The following KCNMA1 variants were observed in gnomAD, a reference collection of about 807,000 sequenced individuals.
The protein encoded by KCNMA1 is Calcium-activated potassium channel subunit alpha-1.
KCNMA1 carries 29 observed loss-of-function variants against 140.0 expected under a neutral mutation model. The observed-to-expected ratio is 0.21, with a 90% CI of 0.15 to 0.28. KCNMA1 has a LOEUF of 0.28. KCNMA1 is among the 10% of genes least tolerant of loss of function. The pLI is 1.00. For synonymous variants in KCNMA1, 612 were observed against 611.9 expected (o/e 1.00, Z 0.00); for missense variants, 880 against 1,602.2 (o/e 0.55, Z 7.70).
intron 2 of KCNMA1, among the ~76,000 whole-genome samples, chr10:77,394,346 A>C (rs1244641781): frequency 6.6e-6 from 1 of 152,184 alleles, no homozygotes; most frequent in East Asian, 1.9e-4. Context: ...TGCTCTTTAC[A>C]GGGCGTGCCG....
chr10:77,302,841 A>G (rs772603039), intron 2 of KCNMA1, among the ~76,000 whole-genome samples: 15 of 152,272 alleles, frequency 9.9e-5, no homozygotes, highest in Middle Eastern at 3.4e-3. Context: ...ATCAGAGGAA[A>G]GCATGCCAAA....
At chr10:77,413,162 T>C (rs1309436662) in intron 1 of KCNMA1, among the ~76,000 whole-genome samples, 1 of 152,172 alleles carries the variant, frequency 6.6e-6, no homozygotes, top group East Asian at 1.9e-4. Context: ...CCCGGCCCCA[T>C]GTTAGCTTTT....
chr10:77,068,712 G>GTGTGTT, intron 14 of KCNMA1, among the ~76,000 whole-genome samples: 1 of 150,772 alleles, frequency 6.6e-6, no homozygotes, highest in Non-Finnish European at 1.5e-5. Flanking sequence ...GTGTGTGTGT[G>GTGTGTT]TGTGTGTGTG....
chr10:77,358,186 G>A (rs2093659764), intron 2 of KCNMA1, among the ~76,000 whole-genome samples: 1 of 152,108 alleles, frequency 6.6e-6, no homozygotes, highest in Admixed American at 6.5e-5. Context: ...CTAGCTGAGA[G>A]CCACAGAACT....
intron 1 of KCNMA1, chr10:77,636,087 T>A: frequency 1.8e-6 from 1 of 557,662 alleles, no homozygotes; most frequent in Non-Finnish European, 2.7e-6. Context: ...GAGGCTGCAA[T>A]GTGTATCTAC....
intron 1 of KCNMA1, among the ~76,000 whole-genome samples, chr10:77,425,283 C>T (rs1239754145): frequency 6.6e-6 from 1 of 152,192 alleles, no homozygotes; most frequent in East Asian, 1.9e-4. Flanking sequence ...TGAATTTTCT[C>T]TTTTGGGGGA....
chr10:77,087,812 G>A (rs573184623), intron 10 of KCNMA1, among the ~76,000 whole-genome samples: 3 of 152,200 alleles, frequency 2.0e-5, no homozygotes, highest in African/African-American at 4.8e-5. Flanking sequence ...GCCAGGTACC[G>A]TGATAAGTCA....
intron 1 of KCNMA1, among the ~76,000 whole-genome samples, chr10:77,451,318 T>C (rs558861284): frequency 2.0e-5 from 3 of 152,192 alleles, no homozygotes; most frequent in East Asian, 3.9e-4. Flanking sequence ...ATCGGGCAGA[T>C]AAAAAGAGGA....
In KCNMA1 at chr10:76,949,353, G is replaced by A. The variant is rs1389263206; in HGVS notation, c.2498C>T (p.Ala833Val). ...ATGGCCACTCAGGACGGTCATGGCA[G>A]CTTCACTTCGAGTCTACAACAGGGA... Reference protein sequence around the residue: ...IEKVILTRSEAAMTVLSGHVV... With the variant: ...IEKVILTRSEVAMTVLSGHVV... The change falls in exon 22 of 28, where the codon GCT becomes GTT. Residue 833 changes from alanine to valine, a missense_variant. Physicochemically the swap from Ala to Val is moderately conservative, Grantham distance 64. This residue lies in a region of KCNMA1 where 82 missense variants were observed against 170.1 expected (regional missense o/e 0.48). Coordinates refer to ENST00000286628, the MANE Select transcript of KCNMA1 (RefSeq NM_001161352.2). 1 of 1,613,828 alleles carries A rather than the reference G, an allele frequency of 6.2e-7. No individual in the cohort carries two copies. The highest frequency in any genetic ancestry group is 8.5e-7 in the Non-Finnish European group (1 of 1,179,840).
At chr10:77,285,294 C>T (rs1414184803) in intron 2 of KCNMA1, among the ~76,000 whole-genome samples, 1 of 152,076 alleles carries the variant, frequency 6.6e-6, no homozygotes, top group East Asian at 1.9e-4. Context: ...GATCTCTCCT[C>T]TAAAGTTTTT....
At chr10:77,506,068 C>T (rs1009796635) in intron 1 of KCNMA1, among the ~76,000 whole-genome samples, 4 of 152,154 alleles carry the variant, frequency 2.6e-5, no homozygotes, top group African/African-American at 9.7e-5. Context: ...CTCTCATTTC[C>T]TCTTAGGGAA....
At chr10:77,327,019 T>C (rs373888653) in intron 2 of KCNMA1, among the ~76,000 whole-genome samples, 79 of 152,192 alleles carry the variant, frequency 5.2e-4, no homozygotes, top group African/African-American at 1.9e-3. Flanking sequence ...TTGGGACTTA[T>C]GTCATCCAAC....
intron 2 of KCNMA1, among the ~76,000 whole-genome samples, chr10:77,384,961 C>T (rs1477598462): frequency 1.3e-5 from 2 of 152,192 alleles, no homozygotes; most frequent in Admixed American, 6.5e-5. Context: ...AGTTCAGATG[C>T]TTATTGGATG....
At chr10:77,259,216 A>T (rs1369121655) in intron 2 of KCNMA1, among the ~76,000 whole-genome samples, 1 of 152,200 alleles carries the variant, frequency 6.6e-6, no homozygotes, top group East Asian at 1.9e-4. Context: ...GAAAGAAAGG[A>T]AGAAGAAAGA....
chr10:77,635,119 C>T (rs1157269173), intron 1 of KCNMA1: 1 of 152,158 alleles, frequency 6.6e-6, no homozygotes, highest in Non-Finnish European at 1.5e-5. Flanking sequence ...CAAAACATAG[C>T]CAAATATTTA....
chr10:76,895,355 G>T (rs2042042945), intron 25 of KCNMA1, among the ~76,000 whole-genome samples: 1 of 152,174 alleles, frequency 6.6e-6, no homozygotes, highest in Admixed American at 6.5e-5. Context: ...CTGCTACACA[G>T]TCACTTTGGA....
intron 19 of KCNMA1, among the ~76,000 whole-genome samples, chr10:76,988,789 A>C (rs575160839): frequency 4.9e-4 from 74 of 152,276 alleles, no homozygotes; most frequent in Non-Finnish European, 9.0e-4. Context: ...CAGTTTTCTA[A>C]TGATCCCAGG....
At chr10:77,392,131 C>T (rs1040452945) in intron 2 of KCNMA1, among the ~76,000 whole-genome samples, 20 of 126,710 alleles carry the variant, frequency 1.6e-4, no homozygotes, top group Non-Finnish European at 6.6e-5. Context: ...TGGAATGAGG[C>T]GAGGAAGGAA....
intron 19 of KCNMA1, among the ~76,000 whole-genome samples, chr10:76,979,198 A>T (rs963080028): frequency 6.6e-6 from 1 of 152,198 alleles, no homozygotes; most frequent in Non-Finnish European, 1.5e-5. Context: ...TGAGATTGTT[A>T]AGGAAGGCCC....
Sources: allele counts gnomAD v4.1 joint callset (sites outside exome capture counted in the v4.1 genomes callset), GRCh38; gene constraint gnomAD v4.1.1; regional missense constraint gnomAD v4.1.1; transcripts MANE v1.5; gene names NCBI Gene and HGNC (gene_info 2026-07-23, HGNC 2026-07-21).